The following KIAA0825 variants were observed in gnomAD, a reference collection of about 807,000 sequenced individuals.
KIAA0825 encodes the protein uncharacterized protein KIAA0825.
In KIAA0825, 119 loss-of-function variants were observed where a neutral mutation model predicts 147.6. The ratio of observed to expected loss-of-function variants is 0.81; its 90% confidence interval spans 0.69 to 0.94. The LOEUF is 0.94. KIAA0825 is among the 40% of genes least tolerant of loss of function. The pLI, the probability that KIAA0825 is intolerant of heterozygous loss-of-function variation, is 0.00. For missense variants in KIAA0825, 1,381 were observed against 1,472.7 expected (o/e 0.94, Z 1.02); for synonymous variants, 470 against 518.1 (o/e 0.91, Z 1.26).
intron 5 of KIAA0825, among the ~76,000 whole-genome samples, chr5:94,507,431 G>A (rs1020786369): frequency 2.0e-5 from 3 of 151,980 alleles, no homozygotes; most frequent in African/African-American, 4.8e-5. Context: ...CCAGCCTGGC[G>A]ACAGAGCAAG....
At chr5:94,569,589 C>A in intron 2 of KIAA0825, 1 of 399,960 alleles carries the variant, frequency 2.5e-6, no homozygotes, top group South Asian at 1.4e-4. Context: ...ATTAACCACT[C>A]ATTTATTGAT....
chr5:94,222,540 G>A (rs1773760047), intron 20 of KIAA0825, among the ~76,000 whole-genome samples: 1 of 152,168 alleles, frequency 6.6e-6, no homozygotes, highest in Non-Finnish European at 1.5e-5. Context: ...TGGCAAAAGA[G>A]TGATGTAGAA....
intron 20 of KIAA0825, among the ~76,000 whole-genome samples, chr5:94,350,302 A>G (rs1008334055): frequency 2.6e-5 from 4 of 152,124 alleles, no homozygotes; most frequent in African/African-American, 4.8e-5. Flanking sequence ...ATTATCAACA[A>G]AAAAAAGTCT....
chr5:94,549,917 G>C (rs557395404), intron 2 of KIAA0825, among the ~76,000 whole-genome samples: 10 of 152,174 alleles, frequency 6.6e-5, no homozygotes, highest in Non-Finnish European at 1.5e-4. Flanking sequence ...ATAAACATCA[G>C]AGTGGAAATA....
intron 3 of KIAA0825, among the ~76,000 whole-genome samples, chr5:94,532,853 C>T (rs1033400207): frequency 6.6e-6 from 1 of 151,162 alleles, no homozygotes; most frequent in Non-Finnish European, 1.5e-5. Flanking sequence ...AGTCCAGCTG[C>T]ATTGGTACCA....
chr5:94,422,361 C>T (rs571056699), intron 14 of KIAA0825, among the ~76,000 whole-genome samples: 1 of 152,198 alleles, frequency 6.6e-6, no homozygotes, highest in East Asian at 1.9e-4. Context: ...AGTTTATGGC[C>T]ATTAAATTAT....
chr5:94,479,767 G>A (rs1172283966), intron 6 of KIAA0825, among the ~76,000 whole-genome samples: 1 of 152,006 alleles, frequency 6.6e-6, no homozygotes, highest in Admixed American at 6.6e-5. Flanking sequence ...TGTTGTATCT[G>A]TTTTGGATTT....
chr5:94,350,298 A>C (rs998963870), intron 20 of KIAA0825, among the ~76,000 whole-genome samples: 2 of 152,208 alleles, frequency 1.3e-5, no homozygotes, highest in Non-Finnish European at 2.9e-5. Context: ...AAAAATTATC[A>C]ACAAAAAAAA....
chr5:94,250,686 A>G (rs529292942), intron 20 of KIAA0825, among the ~76,000 whole-genome samples: 60 of 152,226 alleles, frequency 3.9e-4, no homozygotes, highest in Middle Eastern at 6.8e-3. Flanking sequence ...TTTGCTTTTC[A>G]TGGCTCAACT....
At chr5:94,495,049 T>C (rs1216085143) in intron 5 of KIAA0825, among the ~76,000 whole-genome samples, 2 of 152,156 alleles carry the variant, frequency 1.3e-5, no homozygotes, top group Non-Finnish European at 2.9e-5. Flanking sequence ...TCCTCCTCTA[T>C]AATGAAAAAT....
rs532257308 is a variant in KIAA0825, at chr5:94,151,759, G to A, written c.*2248C>T. On this transcript the variant is annotated 3_prime_UTR_variant, in exon 21 of 21. Transcript: ENST00000682413. Reference sequence around the variant, plus strand: ...AATAATAATAGCTTTAAAAGATGACGTTTAGATATATTAGAAGACAATCCA... The same window carrying A: ...AATAATAATAGCTTTAAAAGATGACATTTAGATATATTAGAAGACAATCCA... Among the ~76,000 whole-genome samples, 2 of 152,286 alleles carry A rather than the reference G, an allele frequency of 1.3e-5. No individual in the cohort carries two copies. The highest frequency in any genetic ancestry group is 1.9e-4 in the East Asian group (1 of 5,188).
At position 94,520,503 on chromosome 5, in the gene KIAA0825, C is replaced by G; in HGVS notation, c.715G>C (p.Val239Leu). The G allele has an allele frequency of 6.2e-7, 1 of 1,612,932 alleles. No homozygotes were observed. Among genetic ancestry groups the G allele is most frequent in the South Asian group, 1.1e-5 (1 of 91,042 alleles). ...PSYNRDSNLD[V>L]IAHGYQSTML... ...GTACTTTGATATCCATGAGCTATTA[C>G]ATCTAAATTTGAATCTCTGTTGTAA... is the stretch of plus-strand genomic sequence containing the variant. The change falls in exon 5 of 21, where the codon GTA (valine) becomes CTA (leucine). Residue 239 changes from valine (V) to leucine (L), a missense_variant. Coordinates refer to ENST00000682413, the MANE Select transcript of KIAA0825 (RefSeq NM_001145678.3).
chr5:94,509,381 G>C (rs1197560065), intron 5 of KIAA0825, among the ~76,000 whole-genome samples: 2 of 152,112 alleles, frequency 1.3e-5, no homozygotes, highest in African/African-American at 4.8e-5. Context: ...TAGTAGCCCT[G>C]TTGTTAGTTA....
intron 20 of KIAA0825, among the ~76,000 whole-genome samples, chr5:94,311,693 A>G (rs753550722): frequency 9.9e-5 from 15 of 151,698 alleles, no homozygotes; most frequent in Non-Finnish European, 2.2e-4. Flanking sequence ...TCAACACAAT[A>G]AAACTATTCA....
Position 94,219,788 on chromosome 5 carries a change from G to T in KIAA0825, c.3711-65664C>A, listed in dbSNP as rs926581326. Reference sequence around the variant, plus strand: ...AAAGATAATGGTGCACCTTTATAGGGCACTTACCATGAATAGGGCTTGCAG... The same window carrying T: ...AAAGATAATGGTGCACCTTTATAGGTCACTTACCATGAATAGGGCTTGCAG... On this transcript the variant is annotated intron_variant, in intron 20 of 20. Transcript: ENST00000682413. 2.4e-4 allele frequency among the ~76,000 whole-genome samples: 36 copies of T among 152,104 alleles called. 1 individual carries two copies. Among genetic ancestry groups the T allele is most frequent in the African/African-American group, 8.7e-4 (36 of 41,422 alleles).
chr5:94,601,618 T>C (rs751956275), intron 1 of KIAA0825, among the ~76,000 whole-genome samples: 2 of 152,116 alleles, frequency 1.3e-5, no homozygotes, highest in Non-Finnish European at 2.9e-5. Flanking sequence ...AAGGAGCATG[T>C]CTTAAATCAA....
chr5:94,441,348 C>T (rs1306338537), intron 13 of KIAA0825, among the ~76,000 whole-genome samples: 1 of 152,104 alleles, frequency 6.6e-6, no homozygotes, highest in Non-Finnish European at 1.5e-5. Flanking sequence ...CATGGTAAGG[C>T]TTGATGCATG....
chr5:94,152,931 C>T lies in KIAA0825; in HGVS notation c.*1076G>A, dbSNP rs1298962883. On this transcript the variant is annotated 3_prime_UTR_variant, in exon 21 of 21. Coordinates refer to ENST00000682413, the MANE Select transcript of KIAA0825 (RefSeq NM_001145678.3). ...TTTCTCCCAGACGTTCTTAGACTGC[C>T]CAACCATGCAATTCTCTTTGTTGTC... The T allele has an allele frequency of 3.8e-5, 4 of 105,326 alleles. No homozygotes were observed. The highest frequency in any genetic ancestry group is 1.5e-4 in the African/African-American group (4 of 27,256). The allele number at this position is 105,326 out of a possible 1,614,324, so 6.5% of individuals were successfully genotyped here.
intron 20 of KIAA0825, among the ~76,000 whole-genome samples, chr5:94,158,242 C>T (rs1286619648): frequency 1.3e-5 from 2 of 152,098 alleles, no homozygotes; most frequent in African/African-American, 2.4e-5. Context: ...ACTGATCTCA[C>T]TCAATAATGT....
Sources: gnomAD v4.1 joint callset for allele counts (sites outside exome capture counted in the v4.1 genomes callset) on GRCh38, gnomAD v4.1.1 for gene constraint, MANE v1.5 for transcripts, NCBI Gene and HGNC (gene_info 2026-07-23, HGNC 2026-07-21) for gene names.